CIB1: variants seen among roughly 807,000 people sequenced by gnomAD.
CIB1 encodes the protein calcium and integrin-binding protein 1.
Under a neutral mutation model 25.0 loss-of-function variants are expected in CIB1, and 19 were observed. The observed-to-expected ratio is 0.76, with a 90% CI of 0.53 to 1.12. The LOEUF (loss-of-function observed/expected upper bound fraction) is 1.12, where lower values mean the gene tolerates loss of function less well. CIB1 is among the 50% of genes most tolerant of loss of function. The pLI, the probability that CIB1 is intolerant of heterozygous loss-of-function variation, is 0.00. For synonymous variants in CIB1, 104 were observed against 98.5 expected (o/e 1.06, Z -0.33); for missense variants, 236 against 242.6 (o/e 0.97, Z 0.18).
the CIB1 span, chr15:90,265,508 C>G: frequency 7.1e-7 from 1 of 1,402,174 alleles, no homozygotes; most frequent in Non-Finnish European, 9.3e-7. Context: ...TTTCGGCCCT[C>G]ACGTTTCAGG....
In CIB1 at chr15:90,231,518, A is replaced by G. The variant is rs766401205; in HGVS notation, c.196-11T>C. 8 of 1,612,762 alleles carry G rather than the reference A, an allele frequency of 5.0e-6. No individual in the cohort carries two copies. In the South Asian group the frequency reaches 6.6e-5, roughly 13 times the overall value. ...CTTGAAGGGGTTGGCCTAGGAGAAC[A>G]AACGCCACAGGACGTGGCCCAGGTC... On this transcript the variant is annotated splice_polypyrimidine_tract_variant and intron_variant, in intron 3 of 6. Coordinates refer to ENST00000328649, the MANE Select transcript of CIB1 (RefSeq NM_006384.4).
At chr15:90,234,126 C>A (rs1962579234), upstream of CIB1, 1 of 267,068 alleles carries the variant, frequency 3.7e-6, no homozygotes, top group Admixed American at 5.4e-5. Context: ...CCCGACGCTC[C>A]GGGGCGGAGC....
At chr15:90,239,951 C>A in the CIB1 span, among the ~76,000 whole-genome samples, 3,679 of 151,904 alleles carry the variant, frequency 0.024, 142 homozygotes, top group African/African-American at 0.08. Context: ...TGGCTGGGCG[C>A]AGTGGCTCAC....
chr15:90,247,306 T>C, the CIB1 span, among the ~76,000 whole-genome samples: 2 of 149,476 alleles, frequency 1.3e-5, no homozygotes, highest in African/African-American at 5.0e-5. Context: ...TTCTTTTTTT[T>C]TTTTTTTTAA....
At chr15:90,230,605 G>T in intron 6 of CIB1, 100 bp from the exon 7 acceptor site, 2 of 1,282,002 alleles carry the variant, frequency 1.6e-6, no homozygotes, top group African/African-American at 1.5e-5. Context: ...TTTGGAACGG[G>T]CTATGTTCCG....
the CIB1 span, chr15:90,263,891 G>A: frequency 4.3e-6 from 5 of 1,163,438 alleles, no homozygotes; most frequent in Admixed American, 7.9e-5. Flanking sequence ...AGGATCTTAG[G>A]GGCACTGCCA....
the CIB1 span, chr15:90,241,356 C>T: frequency 6.2e-7 from 1 of 1,614,210 alleles, no homozygotes; most frequent in Non-Finnish European, 8.5e-7. Context: ...GACTCTGCTG[C>T]AAGAAGACAT....
chr15:90,233,309 A>T (rs1334241216), intron 2 of CIB1, among the ~76,000 whole-genome samples: 1 of 152,252 alleles, frequency 6.6e-6, no homozygotes, highest in Non-Finnish European at 1.5e-5. Flanking sequence ...ATTCAGGTAA[A>T]GTTGGGAGAA....
At chr15:90,237,533 G>C (rs762414005), upstream of CIB1, among the ~76,000 whole-genome samples, 1 of 151,864 alleles carries the variant, frequency 6.6e-6, no homozygotes, top group African/African-American at 2.4e-5. Flanking sequence ...ATTCACCTGC[G>C]TCAGCCTCCC....
At chr15:90,246,438 C>T in the CIB1 span, among the ~76,000 whole-genome samples, 24,849 of 151,842 alleles carry the variant, frequency 0.16, 2,209 homozygotes, top group African/African-American at 0.22. Context: ...AGAATACTTA[C>T]GCTGTAATGG....
chr15:90,259,340 T>C, the CIB1 span, among the ~76,000 whole-genome samples: 1 of 151,792 alleles, frequency 6.6e-6, no homozygotes, highest in African/African-American at 2.4e-5. Context: ...CAGTGAGCCA[T>C]GTTTGCACCA....
At chr15:90,232,110 G>A in intron 3 of CIB1, 109 bp downstream of exon 3, 2 of 831,376 alleles carry the variant, frequency 2.4e-6, no homozygotes, top group Admixed American at 2.5e-5. Flanking sequence ...AAAATGACCA[G>A]AGTGGGGACC....
the CIB1 span, chr15:90,241,389 C>T: frequency 1.2e-6 from 2 of 1,613,854 alleles, no homozygotes; most frequent in Non-Finnish European, 1.7e-6. Flanking sequence ...CAACGTCAGC[C>T]CCCTGGAGTG....
At position 90,232,190 on chromosome 15, in the gene CIB1, GAGGTGTCAA is replaced by G. The variant is rs762970319; in HGVS notation, c.195+20_195+28del. The G allele has an allele frequency of 8.4e-6, 13 of 1,552,106 alleles. No individual in the cohort carries two copies. Among genetic ancestry groups the G allele is most frequent in the Non-Finnish European group, 8.0e-6 (9 of 1,127,604 alleles). On this transcript the variant is annotated intron_variant, in intron 3 of 6. Coordinates refer to ENST00000328649, the MANE Select transcript of CIB1 (RefSeq NM_006384.4). ...GTCTAGCAGGGAGGGAGTGGTGGGA[GAGGTGTCAA>G]AGGAGGGGAGCGCTTGCACCTTGAG... is the stretch of plus-strand genomic sequence containing the variant.
the CIB1 span, chr15:90,261,978 CTT>C: frequency 6.6e-7 from 1 of 1,514,130 alleles, no homozygotes; most frequent in East Asian, 2.5e-5. Flanking sequence ...CAGCCCTACT[CTT>C]GACTCACTGA....
the CIB1 span, among the ~76,000 whole-genome samples, chr15:90,251,747 G>C: frequency 1.3e-5 from 2 of 150,506 alleles, no homozygotes. Context: ...GGTGTCCTCT[G>C]CCTCAGACAC....
At position 90,231,132 on chromosome 15, in the gene CIB1, C is replaced by T. The variant is rs761859158; in HGVS notation, c.428G>A (p.Arg143Gln). 1.0e-4 allele frequency: 168 copies of T among 1,614,104 alleles called. No homozygotes were observed. The highest frequency in any genetic ancestry group is 6.1e-4 in the South Asian group (56 of 91,092). ...CTGCTTCATCTCAGACGCACTAAGC[C>T]GTGTGTCCTCGCCCTCTCCCGTGAG... is the stretch of plus-strand genomic sequence containing the variant. ...NCLTGEGEDT[R>Q]LSASEMKQLI... Residue 143 changes from arginine (R) to glutamine (Q), a missense_variant, in exon 5 of 7, where the codon CGG (arginine) becomes CAG (glutamine). Coordinates refer to ENST00000328649, the MANE Select transcript of CIB1 (RefSeq NM_006384.4).
chr15:90,262,873 G>C, the CIB1 span: 1 of 1,369,454 alleles, frequency 7.3e-7, no homozygotes, highest in Non-Finnish European at 9.7e-7. Flanking sequence ...GAAGGGATGA[G>C]GGTAGAGTGG....
Position 90,233,924 on chromosome 15 carries a change from G to T in CIB1, c.-39C>A. ...GCACAGCTCCGCCAACTCGCCTCGAGACGCAGACAACTTTCTCACTTCCGC... is the reference window on the plus strand; with the variant it reads ...GCACAGCTCCGCCAACTCGCCTCGATACGCAGACAACTTTCTCACTTCCGC... On this transcript the variant is annotated 5_prime_UTR_variant, in exon 1 of 7. Transcript: ENST00000328649. 1.4e-6 allele frequency: 2 copies of T among 1,447,336 alleles called. No individual in the cohort carries two copies. Among genetic ancestry groups the T allele is most frequent in the Non-Finnish European group, 1.8e-6 (2 of 1,105,230 alleles). The allele number at this position is 1,447,336 out of a possible 1,614,324, so 89.7% of individuals were successfully genotyped here.
Sources: gnomAD v4.1 joint callset for allele counts (sites outside exome capture counted in the v4.1 genomes callset) on GRCh38, gnomAD v4.1.1 for gene constraint, MANE v1.5 for transcripts, NCBI Gene and HGNC (gene_info 2026-07-23, HGNC 2026-07-21) for gene names.